The following BRINP3 variants were observed in gnomAD, a reference collection of about 807,000 sequenced individuals.
BRINP3 encodes the protein BMP/retinoic acid inducible neural specific 3.
Under a neutral mutation model 71.0 loss-of-function variants are expected in BRINP3, and 19 were observed. That is an observed-to-expected ratio of 0.27 (90% CI 0.19 to 0.39). The LOEUF (loss-of-function observed/expected upper bound fraction) is 0.39, where lower values mean the gene tolerates loss of function less well. Among genes scored for constraint, BRINP3 ranks in the 10% least tolerant of loss-of-function variants. The pLI, the probability that BRINP3 is intolerant of heterozygous loss-of-function variation, is 1.00. For synonymous variants in BRINP3, 380 were observed against 337.7 expected (o/e 1.13, Z -1.37); for missense variants, 959 against 940.8 (o/e 1.02, Z -0.25).
chr1:190,329,678 G>GA (rs1666838786), intron 2 of BRINP3, among the ~76,000 whole-genome samples: 1 of 151,850 alleles, frequency 6.6e-6, no homozygotes, highest in South Asian at 2.1e-4. Context: ...TAAAAAATGA[G>GA]CCTGAATAGC....
intron 6 of BRINP3, among the ~76,000 whole-genome samples, chr1:190,214,093 C>T (rs1656209759): frequency 6.6e-6 from 1 of 152,008 alleles, no homozygotes; most frequent in African/African-American, 2.4e-5. Flanking sequence ...AAGAGAGCCA[C>T]TCTCAGAAAT....
At chr1:190,371,999 C>CTGCT (rs1240646567) in intron 2 of BRINP3, among the ~76,000 whole-genome samples, 2 of 152,116 alleles carry the variant, frequency 1.3e-5, no homozygotes, top group Non-Finnish European at 2.9e-5. Context: ...GAAAACTTAG[C>CTGCT]TGCTTGAAAA....
chr1:190,379,997 C>CAAAAAAAAAAAAAAAA (rs34329313), intron 2 of BRINP3, among the ~76,000 whole-genome samples: 1 of 100,796 alleles, frequency 9.9e-6, no homozygotes, highest in Admixed American at 1.2e-4. Context: ...GACTCCACCT[C>CAAAAAAAAAAAAAAAA]AAAAAAAAAA....
At chr1:190,210,942 C>T (rs769798451) in intron 6 of BRINP3, among the ~76,000 whole-genome samples, 15 of 152,076 alleles carry the variant, frequency 9.9e-5, no homozygotes, top group Non-Finnish European at 2.1e-4. Context: ...GTGCCGGGTG[C>T]TTTCTGCCCT....
At chr1:190,105,231 G>A (rs868588116) in intron 7 of BRINP3, among the ~76,000 whole-genome samples, 1 of 151,962 alleles carries the variant, frequency 6.6e-6, no homozygotes, top group Non-Finnish European at 1.5e-5. Flanking sequence ...TTTGCACTCT[G>A]AGAAAGGGAA....
chr1:190,386,644 G>T (rs1222669755), intron 2 of BRINP3, among the ~76,000 whole-genome samples: 1 of 151,960 alleles, frequency 6.6e-6, no homozygotes, highest in African/African-American at 2.4e-5. Flanking sequence ...TCTGGAGTCA[G>T]ATGCCTGAGG....
At chr1:190,256,869 C>T (rs542076201) in intron 4 of BRINP3, among the ~76,000 whole-genome samples, 2 of 152,118 alleles carry the variant, frequency 1.3e-5, no homozygotes, top group African/African-American at 2.4e-5. Context: ...TTTAGTCTGA[C>T]GTGCTACCCT....
intron 3 of BRINP3, among the ~76,000 whole-genome samples, chr1:190,277,087 T>TATATATATATATATATATATA (rs1553276640): frequency 1.9e-4 from 7 of 36,034 alleles, no homozygotes; most frequent in African/African-American, 3.2e-4. Context: ...AATTTTGGTT[T>TATATATATATATATATATATA]TATATATATA....
chr1:190,249,523 G>C (rs1659923851), intron 4 of BRINP3, among the ~76,000 whole-genome samples: 1 of 151,762 alleles, frequency 6.6e-6, no homozygotes, highest in African/African-American at 2.4e-5. Flanking sequence ...ACTGATTTCT[G>C]TTATAAGCAT....
At chr1:190,281,406 A>T (rs1245774020) in intron 3 of BRINP3, among the ~76,000 whole-genome samples, 154 bp downstream of exon 3, 1 of 152,026 alleles carries the variant, frequency 6.6e-6, no homozygotes, top group African/African-American at 2.4e-5. Context: ...TGTGTGGGAC[A>T]TTTAATAATC....
Position 190,098,950 on chromosome 1 carries a change from G to T in BRINP3, c.1369C>A (p.Arg457Ser). 9.3e-6 allele frequency: 15 copies of T among 1,614,122 alleles called. No individual in the cohort carries two copies. The highest frequency in any genetic ancestry group is 2.2e-5 in the East Asian group (1 of 44,854). ...SACLTCAPDN[R>S]TRCGTCNTGY... ...GTGTTGCAGGTGCCGCAGCGGGTGC[G>T]GTTGTCTGGTGCGCATGTCAGGCAG... is the stretch of plus-strand genomic sequence containing the variant. The change falls in exon 8 of 8, where the codon CGC (arginine) becomes AGC (serine). Residue 457 changes from arginine (R) to serine (S), a missense_variant. Transcript: ENST00000367462.
chr1:190,230,962 T>A (rs1291524572), intron 5 of BRINP3, among the ~76,000 whole-genome samples: 2 of 151,494 alleles, frequency 1.3e-5, no homozygotes, highest in Non-Finnish European at 3.0e-5. Flanking sequence ...ATATATTTAC[T>A]GAAAATTTAA....
chr1:190,142,701 T>C (rs1655555784), intron 7 of BRINP3, among the ~76,000 whole-genome samples: 1 of 152,048 alleles, frequency 6.6e-6, no homozygotes, highest in Admixed American at 6.6e-5. Flanking sequence ...ATCAGAAATA[T>C]TTTTATACTT....
intron 6 of BRINP3, among the ~76,000 whole-genome samples, chr1:190,207,649 C>T (rs1321343364): frequency 6.6e-6 from 1 of 151,964 alleles, no homozygotes; most frequent in Non-Finnish European, 1.5e-5. Flanking sequence ...ATTGTTCAAA[C>T]AAAAAGAAAT....
chr1:190,284,487 T>C (rs2102945516), intron 2 of BRINP3, among the ~76,000 whole-genome samples: 1 of 152,140 alleles, frequency 6.6e-6, no homozygotes, highest in Admixed American at 6.6e-5. Flanking sequence ...TTTTTCTGTG[T>C]AAAAATACAA....
intron 2 of BRINP3, among the ~76,000 whole-genome samples, chr1:190,292,235 G>A (rs1663924475): frequency 1.3e-5 from 2 of 152,116 alleles, no homozygotes; most frequent in African/African-American, 4.8e-5. Context: ...GTAGAGCATG[G>A]CAATTATAGT....
chr1:190,119,918 C>T (rs1329232527), intron 7 of BRINP3, among the ~76,000 whole-genome samples: 1 of 152,230 alleles, frequency 6.6e-6, no homozygotes, highest in Non-Finnish European at 1.5e-5. Flanking sequence ...CCATACTCAG[C>T]ATCTACAGAT....
chr1:190,180,633 GA>G (rs1285939450), intron 6 of BRINP3, among the ~76,000 whole-genome samples: 1 of 151,926 alleles, frequency 6.6e-6, no homozygotes, highest in African/African-American at 2.4e-5. Flanking sequence ...TAAATGAATT[GA>G]TAAATAAATT....
intron 4 of BRINP3, among the ~76,000 whole-genome samples, chr1:190,253,112 A>AT (rs1004398158): frequency 2.0e-5 from 3 of 152,132 alleles, no homozygotes; most frequent in Admixed American, 6.6e-5. Context: ...TGAACTCATC[A>AT]TTTTTTATGG....
Sources: allele counts gnomAD v4.1 joint callset (sites outside exome capture counted in the v4.1 genomes callset), GRCh38; gene constraint gnomAD v4.1.1; transcripts MANE v1.5; gene names NCBI Gene and HGNC (gene_info 2026-07-23, HGNC 2026-07-21).